Variants in GPC3 observed in about 807,000 individuals in gnomAD.
GPC3 encodes the protein glypican-3.
GPC3 carries 3 observed loss-of-function variants against 34.4 expected under a neutral mutation model. The observed-to-expected ratio is 0.09, with a 90% CI of 0.04 to 0.23. The LOEUF (loss-of-function observed/expected upper bound fraction) is 0.23, where lower values mean the gene tolerates loss of function less well. Among genes scored for constraint, GPC3 ranks in the 10% least tolerant of loss-of-function variants. The pLI is 1.00. For synonymous variants in GPC3, 177 were observed against 174.0 expected, an observed-to-expected ratio of 1.02 and a Z score of -0.13; for missense variants, 351 against 445.6, an observed-to-expected ratio of 0.79 and a Z score of 1.91.
At chrX:133,763,525 G>C (rs977529591) in intron 2 of GPC3, 2 of 552,614 alleles carry the variant, frequency 3.6e-6, no homozygotes, top group Non-Finnish European at 6.5e-6. Flanking sequence ...TACTCAGCCT[G>C]AGGTGACAGA....
At chrX:133,703,263 G>A (rs1489955389) in intron 3 of GPC3, among the ~76,000 whole-genome samples, 1 of 111,492 alleles carries the variant, frequency 9.0e-6, no homozygotes, top group Non-Finnish European at 1.9e-5. Context: ...TAGTTGGAGG[G>A]AATTTATTGG....
chrX:133,827,462 G>A (rs2124540785), intron 2 of GPC3, among the ~76,000 whole-genome samples: 1 of 111,708 alleles, frequency 9.0e-6, no homozygotes, highest in South Asian at 3.8e-4. Flanking sequence ...CAGCATAAAG[G>A]AGAGGGAGTA....
chrX:133,827,379 AT>A (rs750906755), intron 2 of GPC3, among the ~76,000 whole-genome samples: 1 of 112,374 alleles, frequency 8.9e-6, no homozygotes, highest in African/African-American at 3.2e-5. Flanking sequence ...TTTAAAAACA[AT>A]TACATACAGC....
chrX:133,844,488 A>T (rs2075839089), intron 2 of GPC3, among the ~76,000 whole-genome samples: 1 of 111,912 alleles, frequency 8.9e-6, no homozygotes, highest in African/African-American at 3.3e-5. Flanking sequence ...CGTAAGAAAA[A>T]GCATGAGGAG....
chrX:133,791,810 TTCCTTCCTTCCTTCCTTCC>T (rs2072163407), intron 2 of GPC3, among the ~76,000 whole-genome samples: 1 of 17,304 alleles, frequency 5.8e-5, no homozygotes, highest in South Asian at 2.1e-3. Flanking sequence ...CCTTCCTTCC[TTCCTTCCTTCCTTCCTTCC>T]TTCCTTCCTT....
chrX:133,916,913 C>T (rs923412615), intron 2 of GPC3, among the ~76,000 whole-genome samples: 3 of 110,617 alleles, frequency 2.7e-5, no homozygotes, highest in Non-Finnish European at 5.7e-5. Flanking sequence ...AATAAATAAC[C>T]CCAATGGAGC....
At chrX:133,872,352 G>A (rs2075997349) in intron 2 of GPC3, among the ~76,000 whole-genome samples, 1 of 111,380 alleles carries the variant, frequency 9.0e-6, no homozygotes, top group Non-Finnish European at 1.9e-5. Context: ...TTACCTGCCT[G>A]ACTAGCCCTG....
At chrX:133,599,614 T>A (rs1266972664) in intron 6 of GPC3, among the ~76,000 whole-genome samples, 1 of 111,897 alleles carries the variant, frequency 8.9e-6, no homozygotes, top group Non-Finnish European at 1.9e-5. Flanking sequence ...TAATCTAGCC[T>A]ATAACATCAC....
chrX:133,713,631 G>A (rs1032282066), intron 3 of GPC3, among the ~76,000 whole-genome samples: 2 of 111,969 alleles, frequency 1.8e-5, no homozygotes, highest in Non-Finnish European at 3.8e-5. Flanking sequence ...ATTTTTACTT[G>A]AAAGAAAAAC....
chrX:133,777,036 C>T (rs188779436), intron 2 of GPC3, among the ~76,000 whole-genome samples: 82 of 108,407 alleles, frequency 7.6e-4, no homozygotes, highest in African/African-American at 2.5e-3. Flanking sequence ...CCCACCACCA[C>T]GCCCAGCTAA....
intron 2 of GPC3, among the ~76,000 whole-genome samples, chrX:133,820,606 T>C (rs1265418138): frequency 9.0e-6 from 1 of 110,991 alleles, no homozygotes; most frequent in Non-Finnish European, 1.9e-5. Flanking sequence ...GATAAAGAAA[T>C]ATACAAACAC....
At chrX:133,856,654 ATAG>A (rs761282737) in intron 2 of GPC3, among the ~76,000 whole-genome samples, 7 of 112,125 alleles carry the variant, frequency 6.2e-5, no homozygotes, top group Non-Finnish European at 1.3e-4. Flanking sequence ...TTTTCCTCAA[ATAG>A]TAGGATTATG....
chrX:133,717,923 A>G (rs909696542), intron 3 of GPC3, among the ~76,000 whole-genome samples: 4 of 111,651 alleles, frequency 3.6e-5, no homozygotes, highest in Non-Finnish European at 7.5e-5. Context: ...ATATACCACA[A>G]GGAACACTAG....
At chrX:133,842,100 C>T (rs1005790784) in intron 2 of GPC3, among the ~76,000 whole-genome samples, 3 of 111,491 alleles carry the variant, frequency 2.7e-5, no homozygotes, top group Non-Finnish European at 5.6e-5. Context: ...GCAGATCACC[C>T]GAGGTCAGGA....
At chrX:133,741,317 GATTA>G (rs1028332125) in intron 3 of GPC3, among the ~76,000 whole-genome samples, 1 of 110,433 alleles carries the variant, frequency 9.1e-6, no homozygotes, top group Non-Finnish European at 1.9e-5. Flanking sequence ...CTTTAATTAG[GATTA>G]ATTAATACAA....
At chrX:133,734,777 A>G (rs968142025) in intron 3 of GPC3, among the ~76,000 whole-genome samples, 1 of 111,436 alleles carries the variant, frequency 9.0e-6, no homozygotes, top group Non-Finnish European at 1.9e-5. Flanking sequence ...CTAATAAACA[A>G]GTTCAGTAAT....
intron 1 of GPC3, among the ~76,000 whole-genome samples, chrX:133,981,282 A>G (rs1235294047): frequency 9.0e-6 from 1 of 111,628 alleles, no homozygotes; most frequent in African/African-American, 3.3e-5. Flanking sequence ...ATGCTTCCCC[A>G]CTAGACTGTG....
chrX:133,807,642 T>C (rs1051343019), intron 2 of GPC3, among the ~76,000 whole-genome samples: 3 of 112,176 alleles, frequency 2.7e-5, no homozygotes, highest in Admixed American at 9.4e-5. Flanking sequence ...AAGGGAAAAG[T>C]ACAGTGAATA....
chrX:133,924,081 A>G (rs2076265169), intron 2 of GPC3, among the ~76,000 whole-genome samples: 1 of 112,152 alleles, frequency 8.9e-6, no homozygotes, highest in East Asian at 2.8e-4. Context: ...TTTACATATG[A>G]AGAAATTTTT....
Sources: gnomAD v4.1 joint callset for allele counts (sites outside exome capture counted in the v4.1 genomes callset) on GRCh38, gnomAD v4.1.1 for gene constraint, MANE v1.5 for transcripts, NCBI Gene and HGNC (gene_info 2026-07-23, HGNC 2026-07-21) for gene names.